The following STX8 variants were observed in gnomAD, a reference collection of about 807,000 sequenced individuals.
STX8 encodes syntaxin-8.
STX8 carries 23 observed loss-of-function variants against 37.5 expected under a neutral mutation model. The observed-to-expected ratio is 0.61, with a 90% CI of 0.44 to 0.87. The LOEUF is 0.87. STX8 is among the 40% of genes least tolerant of loss of function. The pLI is 0.00. For missense variants in STX8, 313 were observed against 284.7 expected (o/e 1.10, Z -0.71); for synonymous variants, 115 against 99.1 (o/e 1.16, Z -0.95).
chr17:9,491,880 G>T lies in STX8; in HGVS notation c.490C>A (p.Arg164Ser). ...GLDALSSIIS[R>S]QKQMGQEIGN... Reference sequence around the variant, plus strand: ...ATTTCCTGCCCCATTTGTTTTTGGCGACTTATGATAGAGGAAAGGGCATCA... The same window carrying T: ...ATTTCCTGCCCCATTTGTTTTTGGCTACTTATGATAGAGGAAAGGGCATCA... The change falls in exon 6 of 8, where the codon CGC becomes AGC. Residue 164 changes from arginine (R) to serine (S), a missense_variant. Physicochemically the swap from Arg to Ser is moderately radical, Grantham distance 110 (BLOSUM62 -1). Transcript: ENST00000306357. 6.2e-7 allele frequency: 1 copy of T among 1,613,638 alleles called. No individual in the cohort carries two copies. Among genetic ancestry groups the T allele is most frequent in the South Asian group, 1.1e-5 (1 of 91,012 alleles).
intron 5 of STX8, among the ~76,000 whole-genome samples, chr17:9,504,147 A>G (rs1020711273): frequency 2.0e-5 from 3 of 152,178 alleles, no homozygotes; most frequent in African/African-American, 7.2e-5. Context: ...TTTATGTAAA[A>G]TAAGTATATT....
At chr17:9,398,291 G>C (rs1912481128) in intron 6 of STX8, among the ~76,000 whole-genome samples, 1 of 152,200 alleles carries the variant, frequency 6.6e-6, no homozygotes, top group South Asian at 2.1e-4. Flanking sequence ...ATGATATGAT[G>C]AAAATACACT....
At chr17:9,488,953 T>C (rs1392640969) in intron 6 of STX8, among the ~76,000 whole-genome samples, 3 of 152,100 alleles carry the variant, frequency 2.0e-5, no homozygotes, top group South Asian at 2.1e-4. Context: ...CTCAGCTCAC[T>C]GCAACCCCTG....
intron 7 of STX8, among the ~76,000 whole-genome samples, chr17:9,328,370 T>C (rs898216159): frequency 1.3e-5 from 2 of 152,100 alleles, no homozygotes; most frequent in Admixed American, 6.6e-5. Context: ...GAGACAGCCT[T>C]TGAGGCCCTT....
At chr17:9,546,738 C>A (rs1906544411) in intron 3 of STX8, among the ~76,000 whole-genome samples, 1 of 151,094 alleles carries the variant, frequency 6.6e-6, no homozygotes, top group Non-Finnish European at 1.5e-5. Flanking sequence ...GCTGGGACTA[C>A]AGGCACGTGC....
chr17:9,316,929 A>G (rs1307910855), intron 7 of STX8, among the ~76,000 whole-genome samples: 2 of 152,228 alleles, frequency 1.3e-5, no homozygotes, highest in Non-Finnish European at 2.9e-5. Flanking sequence ...GAGCAAGGAA[A>G]ATCATTCACA....
chr17:9,399,878 A>AAAAG (rs1206447067), intron 6 of STX8, among the ~76,000 whole-genome samples: 4 of 151,038 alleles, frequency 2.6e-5, no homozygotes, highest in East Asian at 1.9e-4. Context: ...AAAAAAAAAA[A>AAAAG]AAAGAAAGAA....
chr17:9,367,652 T>G (rs1911268876), intron 7 of STX8, among the ~76,000 whole-genome samples: 1 of 152,230 alleles, frequency 6.6e-6, no homozygotes, highest in Admixed American at 6.5e-5. Flanking sequence ...AACACAGAAG[T>G]AAATGATGGT....
At chr17:9,445,365 T>C (rs1340180676) in intron 6 of STX8, among the ~76,000 whole-genome samples, 3 of 151,556 alleles carry the variant, frequency 2.0e-5, no homozygotes, top group African/African-American at 7.3e-5. Flanking sequence ...AAAGAGTTTG[T>C]TTGGTAAAAA....
intron 6 of STX8, among the ~76,000 whole-genome samples, chr17:9,489,930 C>T (rs1030591278): frequency 2.0e-5 from 3 of 152,094 alleles, no homozygotes; most frequent in African/African-American, 7.2e-5. Context: ...CCTCGTGATC[C>T]ACCCGCCTCA....
intron 6 of STX8, among the ~76,000 whole-genome samples, chr17:9,389,507 T>A (rs1300383043): frequency 6.6e-6 from 1 of 152,220 alleles, no homozygotes; most frequent in Non-Finnish European, 1.5e-5. Flanking sequence ...CAACGTAAAG[T>A]ATACCACAAA....
At chr17:9,510,055 A>G (rs1904972720) in intron 4 of STX8, among the ~76,000 whole-genome samples, 1 of 152,200 alleles carries the variant, frequency 6.6e-6, no homozygotes, top group Non-Finnish European at 1.5e-5. Context: ...ACATAATAAT[A>G]AAGGGATCAA....
chr17:9,386,574 G>A (rs1173104485), intron 6 of STX8, among the ~76,000 whole-genome samples: 1 of 152,068 alleles, frequency 6.6e-6, no homozygotes, highest in African/African-American at 2.4e-5. Flanking sequence ...GGAGCTGGCA[G>A]GCGGGCAGGC....
chr17:9,421,965 G>T (rs1567553204), intron 6 of STX8, among the ~76,000 whole-genome samples: 1 of 152,122 alleles, frequency 6.6e-6, no homozygotes. Context: ...GGCCATGTAG[G>T]ACGTGCCAGC....
At chr17:9,453,131 C>A (rs1176554273) in intron 6 of STX8, among the ~76,000 whole-genome samples, 1 of 152,016 alleles carries the variant, frequency 6.6e-6, no homozygotes, top group Admixed American at 6.6e-5. Flanking sequence ...TTAGATGTTT[C>A]TCATCTTTAG....
chr17:9,267,471 T>C (rs117899304), intron 7 of STX8, among the ~76,000 whole-genome samples: 4,085 of 152,256 alleles, frequency 0.027, 77 homozygotes, highest in Non-Finnish European at 0.042. Flanking sequence ...ATGCTGCCCA[T>C]ATCCCCCGTG....
intron 6 of STX8, among the ~76,000 whole-genome samples, chr17:9,425,818 T>C (rs1913604599): frequency 6.6e-6 from 1 of 152,066 alleles, no homozygotes; most frequent in African/African-American, 2.4e-5. Context: ...CCCTAGCACA[T>C]ATTGGAGTTA....
At chr17:9,379,321 A>G (rs1171825550) in intron 6 of STX8, among the ~76,000 whole-genome samples, 1 of 152,028 alleles carries the variant, frequency 6.6e-6, no homozygotes, top group Non-Finnish European at 1.5e-5. Flanking sequence ...AGAAAACTAC[A>G]TGATGAAGAA....
chr17:9,349,342 CAG>C (rs35477236), intron 7 of STX8, among the ~76,000 whole-genome samples: 4,781 of 68,498 alleles, frequency 0.07, 299 homozygotes, highest in African/African-American at 0.22. Context: ...TTTTTTGAAA[CAG>C]AGTTTTGCTC....
Sources: allele counts gnomAD v4.1 joint callset (sites outside exome capture counted in the v4.1 genomes callset), GRCh38; gene constraint gnomAD v4.1.1; transcripts MANE v1.5; gene names NCBI Gene and HGNC (gene_info 2026-07-23, HGNC 2026-07-21).